Variants in JADE3 observed in about 807,000 individuals in gnomAD.
JADE3 encodes jade family PHD finger 3.
Under a neutral mutation model 50.1 loss-of-function variants are expected in JADE3, and 2 were observed. The observed-to-expected ratio is 0.04, with a 90% confidence interval of 0.02 to 0.13. JADE3 has a LOEUF of 0.13. JADE3 is among the 10% of genes least tolerant of loss of function. The pLI, the probability that JADE3 is intolerant of heterozygous loss-of-function variation, is 1.00. For synonymous variants in JADE3, 218 were observed against 232.9 expected (o/e 0.94, Z 0.58); for missense variants, 475 against 634.4 (o/e 0.75, Z 2.70).
intron 1 of JADE3, among the ~76,000 whole-genome samples, chrX:46,934,983 G>A (rs782057479): frequency 9.0e-6 from 1 of 111,534 alleles, no homozygotes; most frequent in Admixed American, 9.5e-5. Context: ...CCAGGCTGGC[G>A]TGTACAGTGG....
chrX:46,959,504 G>A (rs1370032645), intron 1 of JADE3, among the ~76,000 whole-genome samples: 1 of 112,014 alleles, frequency 8.9e-6, no homozygotes, highest in Admixed American at 9.5e-5. Flanking sequence ...CCCTCTTGAA[G>A]TGTCAATGTG....
At chrX:47,016,477 G>A (rs1928679982) in intron 4 of JADE3, among the ~76,000 whole-genome samples, 1 of 111,450 alleles carries the variant, frequency 9.0e-6, no homozygotes, top group Admixed American at 9.6e-5. Context: ...AAGAGTGAAT[G>A]TTTTAAGAGG....
At position 47,039,053 on chromosome X, in the gene JADE3, G is replaced by A. The variant is rs376908669; in HGVS notation, c.960G>A (p.Gly320=). 5.1e-5 allele frequency: 58 copies of A among 1,132,737 alleles called. No homozygotes were observed. Among genetic ancestry groups the A allele is most frequent in the Non-Finnish European group, 6.4e-5 (53 of 828,115 alleles). The allele number at this position is 1,132,737 out of a possible 1,213,427, so 93.4% of individuals were successfully genotyped here. A position where few individuals can be genotyped will look rare whatever the true frequency, so the allele number is the denominator to read the frequency against. The change falls in exon 8 of 11, where the codon GGG becomes GGA. Residue 320 remains glycine, a synonymous_variant. Coordinates refer to ENST00000614628, the MANE Select transcript of JADE3 (RefSeq NM_014735.5). ...LVCNLCKLKT[G]ACIQCSIKSC... ...GCAACTTGTGCAAGTTGAAGACGGG[G>A]GCTTGTATTCAGGTAAGTCCCCATG... is the stretch of plus-strand genomic sequence containing the variant.
chrX:46,948,545 A>G (rs781975193), intron 1 of JADE3, among the ~76,000 whole-genome samples: 1 of 112,206 alleles, frequency 8.9e-6, no homozygotes, highest in Non-Finnish European at 1.9e-5. Flanking sequence ...TATATTATTG[A>G]TAGTTCAGCA....
intron 1 of JADE3, among the ~76,000 whole-genome samples, chrX:46,918,429 T>A (rs913025378): frequency 8.9e-6 from 1 of 112,233 alleles, no homozygotes; most frequent in African/African-American, 3.2e-5. Context: ...TGGGAAGACT[T>A]AAGTATTTTT....
chrX:46,960,973 G>T (rs2147120343), intron 1 of JADE3, among the ~76,000 whole-genome samples: 1 of 111,396 alleles, frequency 9.0e-6, no homozygotes, highest in South Asian at 3.8e-4. Flanking sequence ...GGGCCTAAAA[G>T]GGAGTCTGTG....
intron 1 of JADE3, among the ~76,000 whole-genome samples, chrX:46,971,870 A>C (rs1201885338): frequency 9.1e-6 from 1 of 110,482 alleles, no homozygotes; most frequent in Non-Finnish European, 1.9e-5. Flanking sequence ...TCAAGATAAC[A>C]TTATAGAGTT....
intron 3 of JADE3, among the ~76,000 whole-genome samples, chrX:46,991,312 G>A (rs1401454562): frequency 1.9e-5 from 2 of 107,762 alleles, no homozygotes; most frequent in African/African-American, 6.8e-5. Flanking sequence ...TTGAACTCCC[G>A]ACCTCAGGTG....
At chrX:46,950,861 T>G (rs1006570491) in intron 1 of JADE3, among the ~76,000 whole-genome samples, 7 of 110,886 alleles carry the variant, frequency 6.3e-5, no homozygotes, top group Non-Finnish European at 1.3e-4. Context: ...AGTTCTTGTT[T>G]AGGTTTTGTA....
rs782510007 is a variant in JADE3, at chrX:47,040,099, A to G, written c.972+1034A>G. On this transcript the variant is annotated intron_variant, in intron 8 of 10. Transcript: ENST00000614628. ...CTCTTTCCATGTTATTTCTCCTTCT[A>G]TCCCAAATGTAATAAGATGGCTCTT... Among the ~76,000 whole-genome samples, 128 of 112,190 alleles carry G rather than the reference A, an allele frequency of 1.1e-3. 1 individual carries two copies. The highest frequency in any genetic ancestry group is 3.9e-3 in the African/African-American group (120 of 30,919).
intron 1 of JADE3, among the ~76,000 whole-genome samples, chrX:46,972,358 G>A (rs1360900624): frequency 3.6e-5 from 4 of 110,288 alleles, no homozygotes; most frequent in Non-Finnish European, 7.6e-5. Context: ...ACCACGCCTG[G>A]CTAATTTTTG....
rs182708982 is a variant in JADE3, at chrX:47,021,243, G to T, written c.285-3481G>T. 3.3e-3 allele frequency among the ~76,000 whole-genome samples: 362 copies of T among 111,255 alleles called. 1 individual carries two copies. Among genetic ancestry groups the T allele is most frequent in the African/African-American group, 0.011 (346 of 30,635 alleles). On this transcript the variant is annotated intron_variant, in intron 4 of 10. Transcript: ENST00000614628. ...TAGTCATTTGAGACTGAATTGTTTTGCTCATCAGTAGGATTTTGCCATCCA... is the reference window on the plus strand; with the variant it reads ...TAGTCATTTGAGACTGAATTGTTTTTCTCATCAGTAGGATTTTGCCATCCA...
At chrX:46,938,213 G>A (rs1382718616) in intron 1 of JADE3, among the ~76,000 whole-genome samples, 1 of 111,163 alleles carries the variant, frequency 9.0e-6, no homozygotes, top group Admixed American at 9.6e-5. Context: ...TACATCTGTC[G>A]TTTTTTATTT....
At chrX:46,977,550 A>G (rs1190026870) in intron 1 of JADE3, among the ~76,000 whole-genome samples, 2 of 112,404 alleles carry the variant, frequency 1.8e-5, no homozygotes, top group African/African-American at 3.2e-5. Context: ...AGTATTGTTA[A>G]CTATAGCACT....
intron 8 of JADE3, among the ~76,000 whole-genome samples, chrX:47,040,213 G>A (rs782480927): frequency 6.3e-5 from 7 of 111,798 alleles, no homozygotes; most frequent in Admixed American, 9.5e-5. Flanking sequence ...TTTGCCTGCC[G>A]ACCTTCTTTG....
At chrX:46,930,755 T>G (rs1326384446) in intron 1 of JADE3, among the ~76,000 whole-genome samples, 1 of 111,491 alleles carries the variant, frequency 9.0e-6, no homozygotes, top group African/African-American at 3.3e-5. Context: ...TTTGCCCCCA[T>G]CACAGCCCTA....
At chrX:47,048,992 T>C (rs1929436695) in intron 8 of JADE3, among the ~76,000 whole-genome samples, 1 of 111,642 alleles carries the variant, frequency 9.0e-6, no homozygotes, top group East Asian at 2.8e-4. Flanking sequence ...TCTCAATTTT[T>C]TATTTTAAAT....
intron 1 of JADE3, among the ~76,000 whole-genome samples, chrX:46,974,279 G>A (rs191027402): frequency 1.7e-3 from 189 of 109,321 alleles, no homozygotes; most frequent in African/African-American, 5.7e-3. Context: ...GGTGGCGCAT[G>A]CCTGTAGTCC....
intron 1 of JADE3, among the ~76,000 whole-genome samples, chrX:46,920,084 A>G (rs1028800975): frequency 1.8e-5 from 2 of 111,266 alleles, no homozygotes; most frequent in Admixed American, 9.6e-5. Flanking sequence ...ACTTTTACGT[A>G]TGTGTTTTGA....
Sources: allele counts gnomAD v4.1 joint callset (sites outside exome capture counted in the v4.1 genomes callset), GRCh38; gene constraint gnomAD v4.1.1; transcripts MANE v1.5; gene names NCBI Gene and HGNC (gene_info 2026-07-23, HGNC 2026-07-21).